TTC19: variants seen among roughly 807,000 people sequenced by gnomAD.
The protein encoded by TTC19 is tetratricopeptide repeat domain 19.
Under a neutral mutation model 49.5 loss-of-function variants are expected in TTC19, and 38 were observed. That is an observed-to-expected ratio of 0.77 (90% CI 0.59 to 1.01). The LOEUF (loss-of-function observed/expected upper bound fraction) is 1.01, where lower values mean the gene tolerates loss of function less well. Among genes scored for constraint, TTC19 ranks in the 50% least tolerant of loss-of-function variants. The pLI is 0.00. For missense variants in TTC19, 475 were observed against 477.7 expected, an observed-to-expected ratio of 0.99 and a Z score of 0.05; for synonymous variants, 204 against 185.2, an observed-to-expected ratio of 1.10 and a Z score of -0.83.
At position 16,027,824 on chromosome 17, in the gene TTC19, GT is replaced by G; in HGVS notation, c.*303del. ...TAGAACTGTAGATTCATATGGGCTGGTGTTCCTGTGCGCTGTGGGTGTGGTG... is the reference window on the plus strand; with the variant it reads ...TAGAACTGTAGATTCATATGGGCTGGGTTCCTGTGCGCTGTGGGTGTGGTG... On this transcript the variant is annotated 3_prime_UTR_variant, in exon 10 of 10. Transcript: ENST00000261647. The G allele has an allele frequency of 4.0e-6, 2 of 498,120 alleles. No individual in the cohort carries two copies. Among genetic ancestry groups the G allele is most frequent in the Admixed American group, 2.3e-5 (1 of 43,720 alleles). The allele number at this position is 498,120 out of a possible 1,614,324, so 30.9% of individuals were successfully genotyped here. A position where few individuals can be genotyped will look rare whatever the true frequency, so the allele number is the denominator to read the frequency against.
chr17:16,030,932 G>C (rs1372587386), downstream of TTC19: 3 of 195,098 alleles, frequency 1.5e-5, no homozygotes, highest in Non-Finnish European at 3.2e-5. Context: ...ATCATCCTGA[G>C]AGATCTGTTT....
At chr17:16,013,420 A>G (rs1971133034) in intron 7 of TTC19, among the ~76,000 whole-genome samples, 1 of 152,208 alleles carries the variant, frequency 6.6e-6, no homozygotes, top group African/African-American at 2.4e-5. Context: ...TCTGGAGCTT[A>G]ATGCTTAGAG....
chr17:16,041,765 CTCACTCTGCCGCCCA>C (rs1275758180), intron 2 of TTC19, among the ~76,000 whole-genome samples: 1 of 146,866 alleles, frequency 6.8e-6, no homozygotes, highest in Non-Finnish European at 1.5e-5. Context: ...AAGACGGAGT[CTCACTCTGCCGCCCA>C]GGCTGGAGTG....
chr17:16,018,054 C>T (rs1306215554), intron 7 of TTC19, among the ~76,000 whole-genome samples: 1 of 152,134 alleles, frequency 6.6e-6, no homozygotes, highest in Non-Finnish European at 1.5e-5. Flanking sequence ...ATCCTTCTTT[C>T]CCTTTTCCTC....
At chr17:16,017,684 C>G (rs1971257238) in intron 7 of TTC19, among the ~76,000 whole-genome samples, 1 of 152,034 alleles carries the variant, frequency 6.6e-6, no homozygotes, top group Admixed American at 6.6e-5. Flanking sequence ...TCGCATGAAC[C>G]TGGGAGGCGG....
Position 15,999,934 on chromosome 17 carries a change from T to C in TTC19, c.86T>C (p.Leu29Pro), listed in dbSNP as rs2151639979. 3 of 1,334,136 alleles carry C rather than the reference T, an allele frequency of 2.2e-6. No homozygotes were observed. Among genetic ancestry groups the C allele is most frequent in the East Asian group, 3.2e-5 (1 of 31,742 alleles). 82.6% of individuals were successfully genotyped at this position (1,334,136 alleles called of 1,614,324 possible). A position where few individuals can be genotyped will look rare whatever the true frequency, so the allele number is the denominator to read the frequency against. Residue 29 changes from leucine to proline, a missense_variant, in exon 1 of 10, where the codon CTC (leucine) becomes CCC (proline). By Grantham distance (98) the Leu-to-Pro change is moderately conservative. Coordinates refer to ENST00000261647, the MANE Select transcript of TTC19 (RefSeq NM_017775.4). ...TGCCGGGGCTGCTCCGCGCGCCTGCTCCCGGGGCTGGCAGGAGGTCCGGGG... is the reference window on the plus strand; with the variant it reads ...TGCCGGGGCTGCTCCGCGCGCCTGCCCCCGGGGCTGGCAGGAGGTCCGGGG... Reference protein sequence around the residue: ...RRCRGCSARLLPGLAGGPGPE... With the variant: ...RRCRGCSARLPPGLAGGPGPE...
intron 7 of TTC19, among the ~76,000 whole-genome samples, chr17:16,011,417 C>T (rs1275601974): frequency 6.6e-6 from 1 of 152,240 alleles, no homozygotes; most frequent in Non-Finnish European, 1.5e-5. Flanking sequence ...AGGTGATCCA[C>T]CCGCCCCAGC....
rs79798194 is a variant in TTC19 at position 16,021,409 on chromosome 17, C to G, written c.677-3608C>G. On this transcript the variant is annotated intron_variant, in intron 7 of 9. Transcript: ENST00000261647. Reference sequence around the variant, plus strand: ...TCTCAAAAAAGAAAAAACAAAAAAACAAAGTCACCGCCTCATGGAGCTACA... The same window carrying G: ...TCTCAAAAAAGAAAAAACAAAAAAAGAAAGTCACCGCCTCATGGAGCTACA... Among the ~76,000 whole-genome samples, 1,420 of 152,146 alleles carry G rather than the reference C, an allele frequency of 9.3e-3. 27 individuals are homozygous for G. The highest frequency in any genetic ancestry group is 0.032 in the African/African-American group (1,330 of 41,512).
chr17:16,018,172 C>T (rs879493776), intron 7 of TTC19, among the ~76,000 whole-genome samples: 10 of 152,140 alleles, frequency 6.6e-5, no homozygotes, highest in Non-Finnish European at 1.3e-4. Context: ...TCTATTTTCT[C>T]CTGCTCAGAT....
intron 7 of TTC19, among the ~76,000 whole-genome samples, chr17:16,014,088 T>TG (rs1971149046): frequency 6.6e-6 from 1 of 152,128 alleles, no homozygotes; most frequent in African/African-American, 2.4e-5. Flanking sequence ...GGTTGAAACG[T>TG]GAAACTATAA....
chr17:16,000,401 GA>G (rs1567575589), intron 2 of TTC19, 156 bp downstream of exon 2: 1 of 1,487,508 alleles, frequency 6.7e-7, no homozygotes, highest in East Asian at 2.5e-5. Context: ...TCCGAGAGGG[GA>G]TTGGAATCCA....
At chr17:16,024,962 T>G (rs1971501646) in intron 7 of TTC19, 55 bp from the exon 8 acceptor site, 1 of 1,552,644 alleles carries the variant, frequency 6.4e-7, no homozygotes, top group African/African-American at 1.4e-5. Context: ...GACATATTTG[T>G]GGGTCCTGGT....
In TTC19 at chr17:16,028,953, C is replaced by T. The variant is rs1971723344; in HGVS notation, c.*1431C>T. Reference sequence around the variant, plus strand: ...GCAGATGTAAATTTCTTCCTATTTTCTGTCTAATCTCATATTATTTACCAT... The same window carrying T: ...GCAGATGTAAATTTCTTCCTATTTTTTGTCTAATCTCATATTATTTACCAT... On this transcript the variant is annotated 3_prime_UTR_variant, in exon 10 of 10. Transcript: ENST00000261647. 1 of 420,476 alleles carries T rather than the reference C, an allele frequency of 2.4e-6. No homozygotes were observed. Among genetic ancestry groups the T allele is most frequent in the Non-Finnish European group, 4.6e-6 (1 of 217,756 alleles). The allele number at this position is 420,476 out of a possible 1,614,324, so 26.0% of individuals were successfully genotyped here.
In TTC19 at chr17:16,027,799, T is replaced by G. The variant is rs764970644; in HGVS notation, c.*277T>G. ...TTGGTGCTGTCCCTGCTGGTCTAAG[T>G]AGAACTGTAGATTCATATGGGCTGG... On this transcript the variant is annotated 3_prime_UTR_variant, in exon 10 of 10. Coordinates refer to ENST00000261647, the MANE Select transcript of TTC19 (RefSeq NM_017775.4). 1.9e-6 allele frequency: 1 copy of G among 524,722 alleles called. No individual in the cohort carries two copies. Among genetic ancestry groups the G allele is most frequent in the Admixed American group, 2.2e-5 (1 of 44,526 alleles). 32.5% of individuals were successfully genotyped at this position (524,722 alleles called of 1,614,324 possible).
rs1331203131 is a variant in TTC19, at chr17:15,999,879, C to G, written c.31C>G (p.Arg11Gly). The change falls in exon 1 of 10, where the codon CGA becomes GGA. Residue 11 changes from arginine to glycine, a missense_variant. Coordinates refer to ENST00000261647, the MANE Select transcript of TTC19 (RefSeq NM_017775.4). Reference protein sequence around the residue: MFRLLSWSLGRGFLRAAGRRC... With the variant: MFRLLSWSLGGGFLRAAGRRC... ...CCGGCTCCTGAGCTGGAGCCTGGGC[C>G]GAGGCTTCCTGCGGGCCGCGGGGCG... The G allele has an allele frequency of 7.0e-7, 1 of 1,431,332 alleles. No individual in the cohort carries two copies. Among genetic ancestry groups the G allele is most frequent in the South Asian group, 1.4e-5 (1 of 69,048 alleles). The allele number at this position is 1,431,332 out of a possible 1,614,324, so 88.7% of individuals were successfully genotyped here.
At position 16,000,110 on chromosome 17, in the gene TTC19, T is replaced by G; in HGVS notation, c.185-8T>G. ...CGGGCCCGATGACCTCAGAGCCCCT[T>G]CCCGCAGCGCTCGCCTGGTTCTCGA... On this transcript the variant is annotated splice_region_variant and splice_polypyrimidine_tract_variant and intron_variant, in intron 1 of 9. Transcript: ENST00000261647. The G allele has an allele frequency of 4.5e-6, 7 of 1,539,768 alleles. No homozygotes were observed. Among genetic ancestry groups the G allele is most frequent in the Non-Finnish European group, 6.1e-6 (7 of 1,150,302 alleles).
At chr17:16,038,729 C>CT (rs898611550) in intron 2 of TTC19, among the ~76,000 whole-genome samples, 8 of 152,032 alleles carry the variant, frequency 5.3e-5, no homozygotes, top group Non-Finnish European at 1.0e-4. Flanking sequence ...TTTTCCTACT[C>CT]TTTTTTTATG....
chr17:16,021,844 A>G (rs1433132749), intron 7 of TTC19, among the ~76,000 whole-genome samples: 1 of 152,214 alleles, frequency 6.6e-6, no homozygotes, highest in East Asian at 1.9e-4. Flanking sequence ...ATTCATCTTC[A>G]GCAAGGTTTT....
Position 16,027,791 on chromosome 17 carries a change from G to A in TTC19, c.*269G>A. Reference sequence around the variant, plus strand: ...CACGTGACTTGGTGCTGTCCCTGCTGGTCTAAGTAGAACTGTAGATTCATA... The same window carrying A: ...CACGTGACTTGGTGCTGTCCCTGCTAGTCTAAGTAGAACTGTAGATTCATA... On this transcript the variant is annotated 3_prime_UTR_variant, in exon 10 of 10. Transcript: ENST00000261647. 3.7e-6 allele frequency: 2 copies of A among 534,874 alleles called. No individual in the cohort carries two copies. Among genetic ancestry groups the A allele is most frequent in the Non-Finnish European group, 7.2e-6 (2 of 278,510 alleles). The allele number at this position is 534,874 out of a possible 1,614,324, so 33.1% of individuals were successfully genotyped here.
Sources: allele counts gnomAD v4.1 joint callset (sites outside exome capture counted in the v4.1 genomes callset), GRCh38; gene constraint gnomAD v4.1.1; transcripts MANE v1.5; gene names NCBI Gene and HGNC (gene_info 2026-07-23, HGNC 2026-07-21).